WDFY3: variants seen among roughly 807,000 people sequenced by gnomAD.
The protein encoded by WDFY3 is WD repeat and FYVE domain-containing protein 3.
In WDFY3, 66 loss-of-function variants were observed where a neutral mutation model predicts 409.6. That is an observed-to-expected ratio of 0.16 (90% CI 0.13 to 0.20). The LOEUF (loss-of-function observed/expected upper bound fraction) is 0.20. Among genes scored for constraint, WDFY3 ranks in the 10% least tolerant of loss-of-function variants. The pLI is 1.00. For synonymous variants in WDFY3, 1,521 were observed against 1,537.1 expected, an observed-to-expected ratio of 0.99 and a Z score of 0.25; for missense variants, 3,031 against 4,298.1, an observed-to-expected ratio of 0.71 and a Z score of 8.24.
intron 66 of WDFY3, 34 bp from the exon 67 acceptor site, chr4:84,677,430 G>T: frequency 6.5e-7 from 1 of 1,533,150 alleles, no homozygotes; most frequent in South Asian, 1.3e-5. Context: ...GTCACTGCAC[G>T]GAAGGCTTCT....
intron 30 of WDFY3, among the ~76,000 whole-genome samples, chr4:84,772,123 T>G (rs1744780254): frequency 6.6e-6 from 1 of 152,144 alleles, no homozygotes; most frequent in Non-Finnish European, 1.5e-5. Flanking sequence ...ATGATATGAT[T>G]TGGGAATAAT....
intron 37 of WDFY3, among the ~76,000 whole-genome samples, chr4:84,742,793 A>C (rs968916348): frequency 6.6e-6 from 1 of 152,134 alleles, no homozygotes; most frequent in Non-Finnish European, 1.5e-5. Flanking sequence ...CTGTGGAAAA[A>C]CTGTCCTCCA....
intron 43 of WDFY3, among the ~76,000 whole-genome samples, chr4:84,734,489 T>C (rs538379066): frequency 5.6e-4 from 85 of 152,280 alleles, no homozygotes; most frequent in African/African-American, 2.0e-3. Flanking sequence ...TCAGAAACCT[T>C]TAATAGATCC....
chr4:84,742,746 T>C (rs775214194), intron 37 of WDFY3, among the ~76,000 whole-genome samples: 1 of 152,160 alleles, frequency 6.6e-6, no homozygotes, highest in African/African-American at 2.4e-5. Flanking sequence ...ATAAATGTAA[T>C]GCTTGCATCA....
chr4:84,941,365 G>T (rs1025254764), intron 1 of WDFY3, among the ~76,000 whole-genome samples: 3 of 151,984 alleles, frequency 2.0e-5, no homozygotes, highest in Non-Finnish European at 2.9e-5. Flanking sequence ...TAAAGAGATA[G>T]ATAGATAGAT....
At chr4:84,697,927 G>A (rs543640368) in intron 56 of WDFY3, among the ~76,000 whole-genome samples, 5 of 152,058 alleles carry the variant, frequency 3.3e-5, no homozygotes, top group Admixed American at 2.0e-4. Context: ...ATGTGATATC[G>A]AGTGGTACAA....
intron 12 of WDFY3, among the ~76,000 whole-genome samples, 173 bp from the exon 13 acceptor site, chr4:84,817,758 G>A (rs536048604): frequency 6.6e-6 from 1 of 152,268 alleles, no homozygotes; most frequent in South Asian, 2.1e-4. Context: ...ACAGTGGGTT[G>A]TCAGCAAAGG....
chr4:84,687,959 AATC>A (rs939292252), intron 62 of WDFY3, 124 bp downstream of exon 62: 5 of 1,008,354 alleles, frequency 5.0e-6, no homozygotes, highest in Non-Finnish European at 7.5e-6. Flanking sequence ...GGGCTCAACT[AATC>A]CTCCTGCGGT....
chr4:84,721,969 T>C (rs571950608), intron 46 of WDFY3, among the ~76,000 whole-genome samples: 1 of 152,304 alleles, frequency 6.6e-6, no homozygotes, highest in East Asian at 1.9e-4. Context: ...TTCTCAATAG[T>C]GTCAGGTAAT....
intron 30 of WDFY3, 77 bp from the exon 31 acceptor site, chr4:84,766,449 T>C: frequency 7.2e-7 from 1 of 1,383,836 alleles, no homozygotes; most frequent in East Asian, 2.6e-5. Context: ...TCTTGGAAAG[T>C]TTACTGAAAA....
At chr4:84,689,064 T>TCTGC (rs1728811672) in intron 61 of WDFY3, among the ~76,000 whole-genome samples, 1 of 152,226 alleles carries the variant, frequency 6.6e-6, no homozygotes, top group Non-Finnish European at 1.5e-5. Flanking sequence ...GTTGGCTTCA[T>TCTGC]CTGCCGCCTT....
intron 4 of WDFY3, among the ~76,000 whole-genome samples, chr4:84,855,651 T>C (rs542932258): frequency 6.6e-6 from 1 of 152,206 alleles, no homozygotes; most frequent in African/African-American, 2.4e-5. Flanking sequence ...TAAATATGTG[T>C]TATATCTAAA....
chr4:84,803,479 G>GA lies in WDFY3; in HGVS notation c.2430-13dup, dbSNP rs778095753. Reference sequence around the variant, plus strand: ...AATGATATGCATGCCTATAAAAAAAGAAAGAGTAAATTTGGTATTGAATTC... The same window carrying GA: ...AATGATATGCATGCCTATAAAAAAAGAAAAGAGTAAATTTGGTATTGAATTC... On this transcript the variant is annotated splice_polypyrimidine_tract_variant and intron_variant, in intron 15 of 67. Transcript: ENST00000295888. The GA allele has an allele frequency of 1.3e-5, 21 of 1,595,380 alleles. No homozygotes were observed. Among genetic ancestry groups the GA allele is most frequent in the Admixed American group, 3.6e-5 (2 of 56,176 alleles).
chr4:84,722,734 C>T (rs897686848), intron 46 of WDFY3, among the ~76,000 whole-genome samples: 6 of 152,116 alleles, frequency 3.9e-5, no homozygotes, highest in African/African-American at 1.4e-4. Flanking sequence ...TTCTTTGTGC[C>T]ATCCAAAGTA....
At chr4:84,784,442 C>T (rs1462740122) in intron 24 of WDFY3, among the ~76,000 whole-genome samples, 1 of 152,100 alleles carries the variant, frequency 6.6e-6, no homozygotes, top group East Asian at 1.9e-4. Context: ...AATGTGACTC[C>T]ATTTTCCTAG....
chr4:84,881,956 G>A (rs1454854097), intron 3 of WDFY3, among the ~76,000 whole-genome samples: 7 of 151,954 alleles, frequency 4.6e-5, no homozygotes, highest in African/African-American at 7.2e-5. Context: ...ATGTACATTC[G>A]TATGGTCGTA....
rs1286925455 is a variant in WDFY3 at position 84,724,492 on chromosome 4, T to C, written c.7375A>G (p.Ser2459Gly). The C allele has an allele frequency of 1.2e-6, 2 of 1,613,950 alleles. No individual in the cohort carries two copies. The change falls in exon 46 of 68, where the codon AGT (serine) becomes GGT (glycine). Residue 2459 changes from serine (S) to glycine (G), a missense_variant. Physicochemically the swap from Ser to Gly is moderately conservative, Grantham distance 56 (BLOSUM62 0). This residue lies in a region of WDFY3 where 127 missense variants were observed against 144.4 expected (regional missense o/e 0.88). Coordinates refer to ENST00000295888, the MANE Select transcript of WDFY3 (RefSeq NM_014991.6). ...PAIVQDAIVE[S>G]SEGEAAQQEP... The stretch of plus-strand genomic sequence containing the variant: ...TGCTGAGCAGCTTCACCTTCTGAAC[T>C]CTCCACAATGGCGTCTTGGACAATG...
chr4:84,944,154 C>T (rs982804518), intron 1 of WDFY3, among the ~76,000 whole-genome samples: 7 of 152,182 alleles, frequency 4.6e-5, no homozygotes, highest in African/African-American at 1.7e-4. Flanking sequence ...TATCTTTTCG[C>T]TGACTGAATA....
intron 29 of WDFY3, among the ~76,000 whole-genome samples, chr4:84,773,968 C>G (rs1745124974): frequency 6.6e-6 from 1 of 152,226 alleles, no homozygotes; most frequent in African/African-American, 2.4e-5. Context: ...GATCCGCCTG[C>G]CTCAGCCTCC....
Sources: gnomAD v4.1 joint callset for allele counts (sites outside exome capture counted in the v4.1 genomes callset) on GRCh38, gnomAD v4.1.1 for gene constraint, gnomAD v4.1.1 regional missense constraint, MANE v1.5 for transcripts, NCBI Gene and HGNC (gene_info 2026-07-23, HGNC 2026-07-21) for gene names.